SSBP3: variants seen among roughly 807,000 people sequenced by gnomAD.
The protein encoded by SSBP3 is single stranded DNA binding protein 3.
In SSBP3, 5 loss-of-function variants were observed where a neutral mutation model predicts 69.6. The observed-to-expected ratio is 0.07, with a 90% CI of 0.04 to 0.15. SSBP3 has a LOEUF of 0.15. SSBP3 is among the 10% of genes least tolerant of loss of function. SSBP3 has a pLI of 1.00. For missense variants in SSBP3, 312 were observed against 534.0 expected (o/e 0.58, Z 4.10); for synonymous variants, 196 against 193.4 (o/e 1.01, Z -0.11).
At chr1:54,403,171 A>G (rs1197718954) in intron 3 of SSBP3, among the ~76,000 whole-genome samples, 1 of 152,216 alleles carries the variant, frequency 6.6e-6, no homozygotes, top group Non-Finnish European at 1.5e-5. Flanking sequence ...CCCGGGCCTA[A>G]CACAACAGAC....
chr1:54,354,838 G>A (rs1025622438), intron 4 of SSBP3, among the ~76,000 whole-genome samples: 3 of 152,210 alleles, frequency 2.0e-5, no homozygotes, highest in African/African-American at 7.2e-5. Flanking sequence ...CCTTAGGGAG[G>A]AGTGGACTTC....
chr1:54,305,466 T>C (rs1557515086), intron 4 of SSBP3, among the ~76,000 whole-genome samples: 2 of 152,174 alleles, frequency 1.3e-5, no homozygotes, highest in East Asian at 1.9e-4. Context: ...AAAGTTCACC[T>C]AACTGAGCAA....
intron 14 of SSBP3, among the ~76,000 whole-genome samples, chr1:54,235,739 T>A (rs868830164): frequency 6.6e-6 from 1 of 152,012 alleles, no homozygotes; most frequent in Non-Finnish European, 1.5e-5. Flanking sequence ...TGAGCCACCG[T>A]GCCCGGCCAG....
intron 7 of SSBP3, among the ~76,000 whole-genome samples, chr1:54,254,587 C>T (rs1192045370): frequency 6.6e-6 from 1 of 152,210 alleles, no homozygotes; most frequent in East Asian, 1.9e-4. Context: ...ACCCAAAAGG[C>T]ACATTCATAA....
chr1:54,241,025 TCCTC>T, intron 12 of SSBP3, 66 bp from the exon 13 acceptor site: 6 of 1,521,646 alleles, frequency 3.9e-6, no homozygotes, highest in Middle Eastern at 1.8e-4. Flanking sequence ...GGGGCCGGCA[TCCTC>T]CCTCCCTGGT....
At chr1:54,410,636 G>A (rs577876561), upstream of SSBP3, among the ~76,000 whole-genome samples, 4 of 152,332 alleles carry the variant, frequency 2.6e-5, no homozygotes, top group East Asian at 3.9e-4. Context: ...GGGATCGGGG[G>A]CCTCCACAGG....
intron 4 of SSBP3, among the ~76,000 whole-genome samples, chr1:54,312,303 AAAG>A (rs1304114736): frequency 2.0e-5 from 3 of 151,836 alleles, no homozygotes; most frequent in Non-Finnish European, 4.4e-5. Context: ...AAAAAAAAAA[AAAG>A]AGGCCGGACA....
chr1:54,318,592 G>A (rs1246951543), intron 4 of SSBP3, among the ~76,000 whole-genome samples: 3 of 152,142 alleles, frequency 2.0e-5, no homozygotes, highest in African/African-American at 7.2e-5. Flanking sequence ...TTTCCAAGCA[G>A]CTCTCTGCCG....
chr1:54,318,736 C>T (rs1411056082), intron 4 of SSBP3, among the ~76,000 whole-genome samples: 3 of 152,182 alleles, frequency 2.0e-5, no homozygotes, highest in African/African-American at 7.2e-5. Context: ...TCAGGAGCCT[C>T]TCCACATCCC....
intron 4 of SSBP3, 48 bp downstream of exon 4, chr1:54,401,813 G>C: frequency 1.3e-6 from 2 of 1,520,072 alleles, no homozygotes; most frequent in Non-Finnish European, 1.8e-6. Flanking sequence ...AGAAGTTAGA[G>C]CTATCCAACC....
intron 4 of SSBP3, among the ~76,000 whole-genome samples, chr1:54,329,126 G>T (rs771032290): frequency 6.6e-6 from 1 of 152,208 alleles, no homozygotes; most frequent in Non-Finnish European, 1.5e-5. Context: ...ACTTCTGGAA[G>T]GAAGGGGGTT....
intron 4 of SSBP3, among the ~76,000 whole-genome samples, chr1:54,317,100 T>C (rs1043437277): frequency 6.6e-6 from 1 of 151,992 alleles, no homozygotes; most frequent in African/African-American, 2.4e-5. Flanking sequence ...TCATCCACAA[T>C]GGAAGGCAAA....
intron 4 of SSBP3, 78 bp downstream of exon 4, chr1:54,401,783 G>A: frequency 8.1e-7 from 1 of 1,233,748 alleles, no homozygotes; most frequent in Non-Finnish European, 1.2e-6. Flanking sequence ...CGAACTGGCT[G>A]TGTTTGCTTT....
chr1:54,374,123 G>GTAGC (rs1647178670), intron 4 of SSBP3, among the ~76,000 whole-genome samples: 1 of 152,260 alleles, frequency 6.6e-6, no homozygotes, highest in Non-Finnish European at 1.5e-5. Context: ...GAATGGCAAA[G>GTAGC]TAGCCCAGGG....
intron 4 of SSBP3, among the ~76,000 whole-genome samples, chr1:54,325,810 C>T (rs1361078983): frequency 6.6e-6 from 1 of 152,196 alleles, no homozygotes; most frequent in Non-Finnish European, 1.5e-5. Context: ...CTCTGGTTTC[C>T]TCCACACTCC....
intron 4 of SSBP3, among the ~76,000 whole-genome samples, chr1:54,400,545 C>T (rs1649222145): frequency 6.6e-6 from 1 of 152,210 alleles, no homozygotes; most frequent in South Asian, 2.1e-4. Flanking sequence ...CTCCCTTTCA[C>T]TACCATGCAA....
intron 4 of SSBP3, among the ~76,000 whole-genome samples, chr1:54,293,064 C>G (rs954843354): frequency 6.6e-6 from 1 of 152,090 alleles, no homozygotes; most frequent in Non-Finnish European, 1.5e-5. Context: ...GACCAAGACA[C>G]AGCCCCAGCC....
At chr1:54,410,648 G>A (rs1485791569), upstream of SSBP3, among the ~76,000 whole-genome samples, 2 of 152,156 alleles carry the variant, frequency 1.3e-5, no homozygotes, top group East Asian at 3.9e-4. Context: ...CTCCACAGGG[G>A]GAATACAAAA....
At chr1:54,303,956 T>C (rs1645849930) in intron 4 of SSBP3, among the ~76,000 whole-genome samples, 1 of 152,230 alleles carries the variant, frequency 6.6e-6, no homozygotes, top group African/African-American at 2.4e-5. Flanking sequence ...AGTACATTTC[T>C]ACCAGACAGC....
Sources: allele counts gnomAD v4.1 joint callset (sites outside exome capture counted in the v4.1 genomes callset), GRCh38; gene constraint gnomAD v4.1.1; transcripts MANE v1.5; gene names NCBI Gene and HGNC (gene_info 2026-07-23, HGNC 2026-07-21).